GTF3C4: variants seen among roughly 807,000 people sequenced by gnomAD.
GTF3C4 encodes general transcription factor IIIC subunit 4.
GTF3C4 carries 28 observed loss-of-function variants against 67.5 expected under a neutral mutation model. The observed-to-expected ratio is 0.41, with a 90% CI of 0.31 to 0.57. GTF3C4 has a LOEUF of 0.57. Ranked by LOEUF, GTF3C4 falls within the 20% of genes least tolerant of loss-of-function variation. The pLI, the probability that GTF3C4 is intolerant of heterozygous loss-of-function variation, is 0.21. For missense variants in GTF3C4, 831 were observed against 1,033.2 expected (o/e 0.80, Z 2.68); for synonymous variants, 409 against 393.0 (o/e 1.04, Z -0.48).
In GTF3C4 at chr9:132,688,862, A is replaced by G. The variant is rs1220968967; in HGVS notation, c.2405-19A>G. On this transcript the variant is annotated intron_variant, in intron 4 of 4. Coordinates refer to ENST00000372146, the MANE Select transcript of GTF3C4 (RefSeq NM_012204.4). ...TTTTCCGAAGCTAACAGTTGATACC[A>G]CTTGTCCTCCTTTTGCAGATCCCGA... is the stretch of plus-strand genomic sequence containing the variant. 1.3e-6 allele frequency: 2 copies of G among 1,593,916 alleles called. No homozygotes were observed. Among genetic ancestry groups the G allele is most frequent in the Non-Finnish European group, 1.7e-6 (2 of 1,161,506 alleles).
At chr9:132,670,348 A>G (rs2130886993), upstream of GTF3C4, 8 of 1,399,172 alleles carry the variant, frequency 5.7e-6, no homozygotes, top group Non-Finnish European at 7.5e-6. Flanking sequence ...CTGGAGCTCA[A>G]TCCCTGGGCA....
intron 1 of GTF3C4, among the ~76,000 whole-genome samples, chr9:132,674,900 G>A (rs1314677023): frequency 2.0e-5 from 3 of 152,182 alleles, no homozygotes; most frequent in Non-Finnish European, 4.4e-5. Context: ...GCATGGTGGT[G>A]TGCACCTGTG....
intron 1 of GTF3C4, among the ~76,000 whole-genome samples, chr9:132,676,856 G>C (rs1835871555): frequency 6.6e-6 from 1 of 152,094 alleles, no homozygotes; most frequent in Non-Finnish European, 1.5e-5. Context: ...ACCCTTTCCA[G>C]TTTAAAGAGC....
intron 2 of GTF3C4, among the ~76,000 whole-genome samples, chr9:132,682,572 CT>C (rs1432548553): frequency 2.3e-5 from 3 of 132,478 alleles, no homozygotes; most frequent in Non-Finnish European, 3.2e-5. Flanking sequence ...TCTTTTCAGA[CT>C]TTTATTTTTA....
chr9:132,683,807 T>G, intron 3 of GTF3C4, 114 bp downstream of exon 3: 1 of 1,020,278 alleles, frequency 9.8e-7, no homozygotes, highest in African/African-American at 1.6e-5. Context: ...CCTTGCCAAT[T>G]TGTTGGAGAA....
Position 132,670,717 on chromosome 9 carries a change from C to T in GTF3C4, c.119C>T (p.Ala40Val). 6.5e-7 allele frequency: 1 copy of T among 1,527,656 alleles called. No individual in the cohort carries two copies. The highest frequency in any genetic ancestry group is 8.7e-7 in the Non-Finnish European group (1 of 1,144,360). 94.6% of individuals were successfully genotyped at this position (1,527,656 alleles called of 1,614,324 possible). ...AGGKEPAADA[A>V]PGPSAAFRLM... is the part of the protein sequence containing the mutation. ...GGGAAGGAGCCAGCAGCGGACGCGGCCCCGGGGCCCAGCGCTGCATTCCGC... is the reference window on the plus strand; with the variant it reads ...GGGAAGGAGCCAGCAGCGGACGCGGTCCCGGGGCCCAGCGCTGCATTCCGC... The change falls in exon 1 of 5, where the codon GCC (alanine) becomes GTC (valine). Residue 40 changes from alanine to valine, a missense_variant. This residue lies in a region of GTF3C4 where 237 missense variants were observed against 212.7 expected (regional missense o/e 1.11). Coordinates refer to ENST00000372146, the MANE Select transcript of GTF3C4 (RefSeq NM_012204.4).
intron 1 of GTF3C4, among the ~76,000 whole-genome samples, chr9:132,677,361 C>T (rs1835877496): frequency 6.6e-6 from 1 of 152,178 alleles, no homozygotes; most frequent in African/African-American, 2.4e-5. Context: ...GAGATTGTGC[C>T]ACTGCACTCC....
Position 132,690,485 on chromosome 9 carries a change from C to G in GTF3C4, c.*1540C>G, listed in dbSNP as rs188605941. 6.6e-6 allele frequency: 1 copy of G among 152,130 alleles called. No homozygotes were observed. Among genetic ancestry groups the G allele is most frequent in the Admixed American group, 6.6e-5 (1 of 15,256 alleles). The allele number at this position is 152,130 out of a possible 1,614,324, so 9.4% of individuals were successfully genotyped here. ...TGTTGGTACTTAGATGATACCATGA[C>G]GGCAACCTCCCCACCCCCACCCCGC... On this transcript the variant is annotated 3_prime_UTR_variant, in exon 5 of 5. Transcript: ENST00000372146.
At chr9:132,680,613 C>G (rs1271089532) in intron 2 of GTF3C4, among the ~76,000 whole-genome samples, 1 of 152,198 alleles carries the variant, frequency 6.6e-6, no homozygotes, top group South Asian at 2.1e-4. Flanking sequence ...TGACTAAAGT[C>G]TTATTTAAAG....
upstream of GTF3C4, chr9:132,670,120 T>C (rs963121487): frequency 6.3e-7 from 1 of 1,579,462 alleles, no homozygotes; most frequent in Admixed American, 1.8e-5. Context: ...GGGACAAGAC[T>C]ACCGCGCGTG....
rs1298386546 is a variant in GTF3C4, at chr9:132,689,991, C to T, written c.*1046C>T. On this transcript the variant is annotated 3_prime_UTR_variant, in exon 5 of 5. Transcript: ENST00000372146. Reference sequence around the variant, plus strand: ...GATATTTGGAATCCAGGTTCTGCCCCCAACCCCTACCCACCCAGTGGTCTG... The same window carrying T: ...GATATTTGGAATCCAGGTTCTGCCCTCAACCCCTACCCACCCAGTGGTCTG... 6.6e-6 allele frequency: 1 copy of T among 152,214 alleles called. No homozygotes were observed. Among genetic ancestry groups the T allele is most frequent in the Non-Finnish European group, 1.5e-5 (1 of 68,110 alleles). 9.4% of individuals were successfully genotyped at this position (152,214 alleles called of 1,614,324 possible). A position where few individuals can be genotyped will look rare whatever the true frequency, so the allele number is the denominator to read the frequency against.
chr9:132,674,047 T>C (rs1249033933), intron 1 of GTF3C4, among the ~76,000 whole-genome samples: 1 of 152,258 alleles, frequency 6.6e-6, no homozygotes, highest in African/African-American at 2.4e-5. Context: ...ATCTGCTACA[T>C]TAAGTTAAAT....
chr9:132,674,324 A>C (rs1835833828), intron 1 of GTF3C4, among the ~76,000 whole-genome samples: 1 of 152,202 alleles, frequency 6.6e-6, no homozygotes, highest in Non-Finnish European at 1.5e-5. Flanking sequence ...TGGGCATCTG[A>C]ATACTTGATT....
At position 132,678,987 on chromosome 9, in the gene GTF3C4, T is replaced by C; in HGVS notation, c.1368T>C (p.Asp456=). Residue 456 remains aspartate, a synonymous_variant, in exon 2 of 5, where the codon GAT becomes GAC. Transcript: ENST00000372146. This position sits in a 1 kb window ranked among gnomAD's most constrained non-coding sequence, Gnocchi z 6.5. The part of the protein sequence containing the change: ...KVRQLIPIFT[D]VALKFEHQLI... The stretch of plus-strand genomic sequence containing the variant: ...GGCAGCTGATTCCCATTTTCACAGA[T>C]GTTGCATTGAAGTTTGAACACCAGT... The C allele has an allele frequency of 6.2e-7, 1 of 1,614,200 alleles. No individual in the cohort carries two copies. Among genetic ancestry groups the C allele is most frequent in the Admixed American group, 1.7e-5 (1 of 60,022 alleles).
At chr9:132,680,342 A>G (rs113199561) in intron 2 of GTF3C4, among the ~76,000 whole-genome samples, 1 of 152,240 alleles carries the variant, frequency 6.6e-6, no homozygotes, top group East Asian at 1.9e-4. Flanking sequence ...AATGTATTCT[A>G]TAGAATTTAA....
In GTF3C4 at chr9:132,677,943, C is replaced by G. The variant is rs760292303; in HGVS notation, c.358-34C>G. 7 of 1,539,922 alleles carry G rather than the reference C, an allele frequency of 4.5e-6. No individual in the cohort carries two copies. In the South Asian group the frequency reaches 8.9e-5, roughly 20 times the overall value. ...AAATTGCCATCTCCTTGAGTAAATGCTCATCTGATAGTTTTTATATCTCTT... is the reference window on the plus strand; with the variant it reads ...AAATTGCCATCTCCTTGAGTAAATGGTCATCTGATAGTTTTTATATCTCTT... On this transcript the variant is annotated intron_variant, in intron 1 of 4. Transcript: ENST00000372146.
In GTF3C4 at chr9:132,684,154, C is replaced by CT. The variant is rs145311406; in HGVS notation, c.2315+462dup. 4.6e-5 allele frequency among the ~76,000 whole-genome samples: 7 copies of CT among 152,294 alleles called. No homozygotes were observed. The East Asian group carries it at 5.8e-4, about 13-fold the overall frequency. ...CTTTGCTGATGGGCACCTCAGCTGT[C>CT]TGTCTTTCTGCCTGTTTTTCTTCTC... is the stretch of plus-strand genomic sequence containing the variant. On this transcript the variant is annotated intron_variant, in intron 3 of 4. Coordinates refer to ENST00000372146, the MANE Select transcript of GTF3C4 (RefSeq NM_012204.4).
chr9:132,682,365 C>T (rs1180387182), intron 2 of GTF3C4, among the ~76,000 whole-genome samples: 1 of 151,986 alleles, frequency 6.6e-6, no homozygotes, highest in South Asian at 2.1e-4. Context: ...CCCTTTGAAA[C>T]GTAAGTGAAC....
chr9:132,675,745 G>T (rs955978819), intron 1 of GTF3C4, among the ~76,000 whole-genome samples: 1 of 152,090 alleles, frequency 6.6e-6, no homozygotes, highest in African/African-American at 2.4e-5. Context: ...CAATTAAAGG[G>T]AGTAGTGTAC....
Sources: allele counts gnomAD v4.1 joint callset (sites outside exome capture counted in the v4.1 genomes callset), GRCh38; gene constraint gnomAD v4.1.1; regional missense constraint gnomAD v4.1.1; non-coding constraint Gnocchi (gnomAD v3.1); transcripts MANE v1.5; gene names NCBI Gene and HGNC (gene_info 2026-07-23, HGNC 2026-07-21).